The following KIAA1328 variants were observed in gnomAD, a reference collection of about 807,000 sequenced individuals.
The protein encoded by KIAA1328 is KIAA1328.
A neutral mutation model predicts 68.1 loss-of-function variants in KIAA1328; 52 were observed. The observed-to-expected ratio is 0.76, with a 90% confidence interval of 0.61 to 0.96. KIAA1328 has a LOEUF of 0.96. Ranked by LOEUF, KIAA1328 falls within the 40% of genes least tolerant of loss-of-function variation. The pLI is 0.00. For missense variants in KIAA1328, 641 were observed against 677.6 expected (o/e 0.95, Z 0.60); for synonymous variants, 232 against 239.4 (o/e 0.97, Z 0.28).
intron 6 of KIAA1328, among the ~76,000 whole-genome samples, chr18:36,979,777 T>A (rs72888980): frequency 0.11 from 16,137 of 152,058 alleles, 1,085 homozygotes; most frequent in Non-Finnish European, 0.13. Flanking sequence ...ATGTCACAGA[T>A]TGGAACAATA....
At chr18:37,192,101 C>A (rs890836702) in intron 9 of KIAA1328, among the ~76,000 whole-genome samples, 27 of 151,628 alleles carry the variant, frequency 1.8e-4, no homozygotes, top group African/African-American at 5.8e-4. Context: ...CTGAAACAGC[C>A]CTGAACATCT....
chr18:37,118,775 C>T (rs1165212556), intron 7 of KIAA1328, among the ~76,000 whole-genome samples: 1 of 152,142 alleles, frequency 6.6e-6, no homozygotes, highest in African/African-American at 2.4e-5. Flanking sequence ...GCTCGCAGGT[C>T]AGCTGGGGAA....
chr18:37,136,478 A>G (rs2058648035), intron 7 of KIAA1328, among the ~76,000 whole-genome samples: 2 of 152,254 alleles, frequency 1.3e-5, no homozygotes, highest in East Asian at 1.9e-4. Flanking sequence ...TCTAAGAATG[A>G]CTGTGGATGG....
At chr18:37,100,669 G>A (rs2057582734) in intron 7 of KIAA1328, among the ~76,000 whole-genome samples, 1 of 152,202 alleles carries the variant, frequency 6.6e-6, no homozygotes, top group African/African-American at 2.4e-5. Flanking sequence ...TTTGAAGAGA[G>A]TAGTGGTTCT....
intron 6 of KIAA1328, among the ~76,000 whole-genome samples, chr18:36,967,952 AT>A (rs1385421519): frequency 6.6e-6 from 1 of 152,234 alleles, no homozygotes; most frequent in African/African-American, 2.4e-5. Flanking sequence ...GACCAAATCT[AT>A]GACTCATTGG....
chr18:37,115,953 G>T (rs1485530192), intron 7 of KIAA1328, among the ~76,000 whole-genome samples: 2 of 152,118 alleles, frequency 1.3e-5, no homozygotes, highest in Admixed American at 6.5e-5. Context: ...CAACTTACAA[G>T]GGATGTGAAG....
intron 6 of KIAA1328, among the ~76,000 whole-genome samples, chr18:37,004,818 C>T (rs931359913): frequency 2.6e-5 from 4 of 152,068 alleles, no homozygotes; most frequent in Non-Finnish European, 5.9e-5. Context: ...TATAACAGCA[C>T]AATTCACAAT....
chr18:36,954,668 T>C (rs1363936611), intron 5 of KIAA1328, among the ~76,000 whole-genome samples: 1 of 151,642 alleles, frequency 6.6e-6, no homozygotes, highest in Non-Finnish European at 1.5e-5. Context: ...TTTGCTTTCT[T>C]CTGTAAAGAA....
intron 9 of KIAA1328, among the ~76,000 whole-genome samples, chr18:37,209,627 C>A (rs952016009): frequency 1.2e-4 from 18 of 151,700 alleles, no homozygotes; most frequent in Non-Finnish European, 4.4e-5. Flanking sequence ...AGAGAGCAAG[C>A]AAAGATCTGA....
At chr18:36,907,716 G>A (rs913351888) in intron 5 of KIAA1328, among the ~76,000 whole-genome samples, 1 of 152,082 alleles carries the variant, frequency 6.6e-6, no homozygotes, top group African/African-American at 2.4e-5. Context: ...AGTTTTCTTG[G>A]AATGACTTCA....
chr18:36,921,253 T>C (rs1305713025), intron 5 of KIAA1328: 1 of 152,158 alleles, frequency 6.6e-6, no homozygotes, highest in African/African-American at 2.4e-5. Context: ...GGGTTATTTT[T>C]TTTTTTTTGT....
At chr18:37,049,103 C>G (rs2055590226) in intron 6 of KIAA1328, among the ~76,000 whole-genome samples, 1 of 152,148 alleles carries the variant, frequency 6.6e-6, no homozygotes, top group Non-Finnish European at 1.5e-5. Context: ...ATGAATAAAA[C>G]ATACATGGTC....
chr18:36,971,359 G>A (rs999629993), intron 6 of KIAA1328, among the ~76,000 whole-genome samples: 1 of 152,136 alleles, frequency 6.6e-6, no homozygotes, highest in Non-Finnish European at 1.5e-5. Flanking sequence ...AGAAAACCTA[G>A]GTAATACCAT....
chr18:36,858,627 C>T (rs1040933269), intron 4 of KIAA1328, among the ~76,000 whole-genome samples: 1 of 152,148 alleles, frequency 6.6e-6, no homozygotes, highest in Non-Finnish European at 1.5e-5. Flanking sequence ...GTTGTCATAT[C>T]TTCTTAATCT....
intron 6 of KIAA1328, among the ~76,000 whole-genome samples, chr18:36,998,490 C>T (rs896528562): frequency 8.5e-5 from 13 of 152,202 alleles, no homozygotes; most frequent in African/African-American, 1.2e-4. Context: ...TGATAACCAC[C>T]GATGCAGGTG....
chr18:36,926,978 G>A (rs2050141589), intron 5 of KIAA1328, among the ~76,000 whole-genome samples: 1 of 152,150 alleles, frequency 6.6e-6, no homozygotes, highest in South Asian at 2.1e-4. Flanking sequence ...GCGACAATGG[G>A]GAGGTCCCAA....
intron 6 of KIAA1328, among the ~76,000 whole-genome samples, chr18:37,055,051 C>T (rs17652687): frequency 0.11 from 16,150 of 152,144 alleles, 1,077 homozygotes; most frequent in Non-Finnish European, 0.13. Flanking sequence ...GTGCTGCAAT[C>T]CCTATGGGAA....
intron 7 of KIAA1328, among the ~76,000 whole-genome samples, chr18:37,132,949 G>C (rs1016247088): frequency 6.6e-6 from 1 of 152,194 alleles, no homozygotes; most frequent in Non-Finnish European, 1.5e-5. Flanking sequence ...CAACTTAAAT[G>C]AATCTTACAG....
In KIAA1328 at chr18:36,873,768, C is replaced by T. The variant is rs145663179; in HGVS notation, c.333-11789C>T. Among the ~76,000 whole-genome samples the T allele has an allele frequency of 1.9e-3, 287 of 152,162 alleles. 2 individuals carry two copies. The highest frequency in any genetic ancestry group is 6.4e-3 in the African/African-American group (267 of 41,516). ...GTTTGTTACATAGATATACATGTGC[C>T]GTGGTGGTTTGCTGCACCCATCAAC... is the stretch of plus-strand genomic sequence containing the variant. On this transcript the variant is annotated intron_variant, in intron 4 of 9. Coordinates refer to ENST00000280020, the MANE Select transcript of KIAA1328 (RefSeq NM_020776.3).
Sources: gnomAD v4.1 joint callset for allele counts (sites outside exome capture counted in the v4.1 genomes callset) on GRCh38, gnomAD v4.1.1 for gene constraint, MANE v1.5 for transcripts, NCBI Gene and HGNC (gene_info 2026-07-23, HGNC 2026-07-21) for gene names.